The following THAP12 variants were observed in gnomAD, a reference collection of about 807,000 sequenced individuals.
THAP12 encodes THAP domain containing 12.
In THAP12, 20 loss-of-function variants were observed where a neutral mutation model predicts 63.0. That is an observed-to-expected ratio of 0.32 (90% CI 0.22 to 0.46). The LOEUF is 0.46. Among genes scored for constraint, THAP12 ranks in the 20% least tolerant of loss-of-function variants. The pLI is 1.00. For synonymous variants in THAP12, 264 were observed against 328.4 expected (o/e 0.80, Z 2.12); for missense variants, 568 against 908.2 (o/e 0.63, Z 4.81).
Position 76,351,537 on chromosome 11 carries a change from T to C in THAP12, c.1613A>G (p.Glu538Gly), listed in dbSNP as rs1321169176. The change falls in exon 5 of 5, where the codon GAA becomes GGA. Residue 538 changes from glutamate (E) to glycine (G), a missense_variant. Physicochemically the swap from Glu to Gly is moderately conservative, Grantham distance 98 (BLOSUM62 -2). Coordinates refer to ENST00000260045, the MANE Select transcript of THAP12 (RefSeq NM_004705.4). ...AAGTTTGGTTGCCAAATTTGTGGCT[T>C]CCTCAAACCAAAATTCATGATAAAC... The part of the protein sequence containing the change: ...IEVYHEFWFE[E>G]ATNLATKLDI... 6.4e-7 allele frequency: 1 copy of C among 1,568,736 alleles called. No homozygotes were observed. Among genetic ancestry groups the C allele is most frequent in the Non-Finnish European group, 8.7e-7 (1 of 1,154,566 alleles).
intron 1 of THAP12, among the ~76,000 whole-genome samples, chr11:76,375,317 C>G (rs1462429319): frequency 6.6e-6 from 1 of 151,990 alleles, no homozygotes; most frequent in Non-Finnish European, 1.5e-5. Context: ...TTAGGAAGAG[C>G]TCCACTGTGA....
At chr11:76,369,565 C>T (rs571338395) in intron 1 of THAP12, among the ~76,000 whole-genome samples, 1 of 152,256 alleles carries the variant, frequency 6.6e-6, no homozygotes, top group Admixed American at 6.5e-5. Context: ...CAGTTCCATA[C>T]ACAGAAATAA....
At position 76,352,601 on chromosome 11, in the gene THAP12, C is replaced by A. The variant is rs1280395751; in HGVS notation, c.549G>T (p.Leu183=). ...GGATTTCATCAGCCTCATGTCCATC[C>A]AGAGGTATGTTTTGCTTTCCCATCA... ...LILMGKQNIP[L]DGHEADEIPE... Residue 183 remains leucine, a synonymous_variant, in exon 5 of 5, where the codon CTG becomes CTT. Transcript: ENST00000260045. 6.2e-7 allele frequency: 1 copy of A among 1,611,778 alleles called. No individual in the cohort carries two copies. The highest frequency in any genetic ancestry group is 1.1e-5 in the South Asian group (1 of 90,976).
intron 3 of THAP12, chr11:76,358,810 A>G (rs1190255153): frequency 6.6e-6 from 1 of 152,058 alleles, no homozygotes; most frequent in East Asian, 1.9e-4. Context: ...CCCATCTTAA[A>G]AAAAAACAAC....
At chr11:76,369,502 A>G (rs901559762) in intron 1 of THAP12, among the ~76,000 whole-genome samples, 2 of 152,230 alleles carry the variant, frequency 1.3e-5, no homozygotes, top group African/African-American at 4.8e-5. Context: ...TGTCCTTAGA[A>G]AGGCCTGTTT....
At chr11:76,365,401 T>C (rs1946624383) in intron 2 of THAP12, among the ~76,000 whole-genome samples, 1 of 152,080 alleles carries the variant, frequency 6.6e-6, no homozygotes, top group Non-Finnish European at 1.5e-5. Flanking sequence ...GAGTTTTTTT[T>C]CCAGACAAGC....
intron 3 of THAP12, among the ~76,000 whole-genome samples, chr11:76,360,658 G>A (rs2134504305): frequency 6.6e-6 from 1 of 152,218 alleles, no homozygotes; most frequent in South Asian, 2.1e-4. Context: ...TACTATGAAA[G>A]AAAAGGTAGC....
chr11:76,351,265 T>C lies in THAP12; in HGVS notation c.1885A>G (p.Arg629Gly). 6.4e-7 allele frequency: 1 copy of C among 1,566,388 alleles called. No homozygotes were observed. ...TSEEHHADMY[R>G]SDLPNPDTLS... ...GTGTCAGGATTGGGTAAGTCACTTC[T>C]ATACATGTCAGCATGGTGTTCCTCC... Residue 629 changes from arginine (R) to glycine (G), a missense_variant, in exon 5 of 5, where the codon AGA becomes GGA. Physicochemically the swap from Arg to Gly is moderately radical, Grantham distance 125 (BLOSUM62 -2). Transcript: ENST00000260045.
intron 4 of THAP12, among the ~76,000 whole-genome samples, chr11:76,354,026 T>C (rs984080352): frequency 1.3e-5 from 2 of 152,102 alleles, no homozygotes; most frequent in Non-Finnish European, 1.5e-5. Context: ...AAAAAGACTA[T>C]GGAGGGCGGT....
chr11:76,374,733 G>A (rs989555185), intron 1 of THAP12, among the ~76,000 whole-genome samples: 1 of 152,200 alleles, frequency 6.6e-6, no homozygotes, highest in African/African-American at 2.4e-5. Context: ...GTGTTATTAT[G>A]AAAATAGTTC....
At chr11:76,370,025 A>G (rs1484829831) in intron 1 of THAP12, among the ~76,000 whole-genome samples, 1 of 152,254 alleles carries the variant, frequency 6.6e-6, no homozygotes, top group Non-Finnish European at 1.5e-5. Flanking sequence ...CAACACAGTG[A>G]TGGAATAGCA....
At chr11:76,359,256 T>C (rs1237499990) in intron 3 of THAP12, 1 of 152,190 alleles carries the variant, frequency 6.6e-6, no homozygotes, top group Non-Finnish European at 1.5e-5. Context: ...CTCCTAAAAG[T>C]ATTCTAATAT....
At chr11:76,378,839 C>T (rs143066231) in intron 1 of THAP12, among the ~76,000 whole-genome samples, 1,706 of 152,138 alleles carry the variant, frequency 0.011, 40 homozygotes, top group African/African-American at 0.039. Context: ...GAACTCCTGA[C>T]CTCAAGTGAT....
Position 76,351,471 on chromosome 11 carries a change from T to C in THAP12, c.1679A>G (p.His560Arg). 7 of 1,589,106 alleles carry C rather than the reference T, an allele frequency of 4.4e-6. No individual in the cohort carries two copies. Among genetic ancestry groups the C allele is most frequent in the Non-Finnish European group, 6.0e-6 (7 of 1,164,020 alleles). Reference protein sequence around the residue: ...MKLPGKFRRAHQGNLESQLTS... With the variant: ...MKLPGKFRRARQGNLESQLTS... ...TAGCTGAGATTCCAAGTTACCCTGG[T>C]GAGCTCTGCGGAATTTCCCAGGGAG... Residue 560 changes from histidine to arginine, a missense_variant, in exon 5 of 5, where the codon CAC becomes CGC. Physicochemically the swap from His to Arg is conservative, Grantham distance 29. Transcript: ENST00000260045.
rs1946523014 is a variant in THAP12 at position 76,351,108 on chromosome 11, A to G, written c.2042T>C (p.Leu681Pro). ...CACAGGAAGAATACACAGGACCTTC[A>G]GCAATGCATACACATTAGGAAAAAA... ...IKFFPNVYAL[L>P]KVLCILPVMK... The change falls in exon 5 of 5, where the codon CTG becomes CCG. Residue 681 changes from leucine (L) to proline (P), a missense_variant. By Grantham distance (98) the Leu-to-Pro change is moderately conservative. Transcript: ENST00000260045. 6.2e-7 allele frequency: 1 copy of G among 1,611,760 alleles called. No individual in the cohort carries two copies. Among genetic ancestry groups the G allele is most frequent in the Non-Finnish European group, 8.5e-7 (1 of 1,179,748 alleles).
At chr11:76,365,224 G>C (rs532493105) in intron 2 of THAP12, among the ~76,000 whole-genome samples, 1 of 151,488 alleles carries the variant, frequency 6.6e-6, no homozygotes, top group African/African-American at 2.4e-5. Flanking sequence ...GGGGGAGGTG[G>C]CAGAAGTTGC....
intron 2 of THAP12, 126 bp from the exon 3 acceptor site, chr11:76,361,189 G>A: frequency 1.6e-6 from 1 of 614,042 alleles, no homozygotes; most frequent in Non-Finnish European, 2.8e-6. Flanking sequence ...GAGACTTACA[G>A]AATTTGATGT....
chr11:76,377,563 T>G (rs1405024050), intron 1 of THAP12, among the ~76,000 whole-genome samples: 1 of 152,274 alleles, frequency 6.6e-6, no homozygotes, highest in Non-Finnish European at 1.5e-5. Flanking sequence ...TCACCCATAC[T>G]GTAGTATGTA....
chr11:76,363,649 C>T (rs1051123987), intron 2 of THAP12, among the ~76,000 whole-genome samples: 1 of 152,206 alleles, frequency 6.6e-6, no homozygotes, highest in East Asian at 1.9e-4. Context: ...AGTGCAGTGG[C>T]ACAATCTTGG....
Sources: gnomAD v4.1 joint callset for allele counts (sites outside exome capture counted in the v4.1 genomes callset) on GRCh38, gnomAD v4.1.1 for gene constraint, MANE v1.5 for transcripts, NCBI Gene and HGNC (gene_info 2026-07-23, HGNC 2026-07-21) for gene names.